Variants in MORN1 observed in about 807,000 individuals in gnomAD.
MORN1 encodes the protein MORN repeat-containing protein 1.
Under a neutral mutation model 61.9 loss-of-function variants are expected in MORN1, and 67 were observed. That is an observed-to-expected ratio of 1.08 (90% CI 0.89 to 1.33). The LOEUF (loss-of-function observed/expected upper bound fraction) is 1.33. MORN1 is among the 40% of genes most tolerant of loss of function. The pLI, the probability that MORN1 is intolerant of heterozygous loss-of-function variation, is 0.00. For synonymous variants in MORN1, 301 were observed against 292.0 expected (o/e 1.03, Z -0.31); for missense variants, 752 against 691.2 (o/e 1.09, Z -0.99).
rs1383066554 is a variant in MORN1, at chr1:2,331,907, G to A, written c.1250+4562C>T. Among the ~76,000 whole-genome samples the A allele has an allele frequency of 6.3e-4, 73 of 115,766 alleles. 1 individual carries two copies. Among genetic ancestry groups the A allele is most frequent in the Admixed American group, 9.1e-4 (10 of 10,988 alleles). The allele number at this position is 115,766 out of a possible 152,430, so 75.9% of individuals were successfully genotyped here. On this transcript the variant is annotated intron_variant, in intron 12 of 13. Transcript: ENST00000378531. ...CCGCCCCTGCGCCTCTCCCTCGTGCGCCTCTCCCGCCCCTGCGCCTCTCCC... is the reference window on the plus strand; with the variant it reads ...CCGCCCCTGCGCCTCTCCCTCGTGCACCTCTCCCGCCCCTGCGCCTCTCCC...
chr1:2,374,944 T>G, intron 6 of MORN1: 1 of 191,912 alleles, frequency 5.2e-6, no homozygotes, highest in Non-Finnish European at 1.1e-5. Context: ...ACTGGCCGAC[T>G]GTGGCGTTGG....
chr1:2,368,568 T>A (rs1642044136), intron 8 of MORN1, among the ~76,000 whole-genome samples: 1 of 152,192 alleles, frequency 6.6e-6, no homozygotes, highest in Non-Finnish European at 1.5e-5. Context: ...GACCCTGTTT[T>A]ATCTAGTCCT....
intron 6 of MORN1, chr1:2,379,012 T>C: frequency 2.1e-6 from 1 of 471,070 alleles, no homozygotes; most frequent in Non-Finnish European, 4.4e-6. Context: ...GAATGCATTT[T>C]TTTCTAGAAT....
rs561732182 is a variant in MORN1, at chr1:2,390,516, C to T, written c.77-520G>A. 4 of 985,424 alleles carry T rather than the reference C, an allele frequency of 4.1e-6. No individual in the cohort carries two copies. The South Asian group carries it at 1.9e-4, about 46-fold the overall frequency. 61.0% of individuals were successfully genotyped at this position (985,424 alleles called of 1,614,324 possible). ...TCCTCCTAGTTGCTGGGTGTGCCAC[C>T]CGCCAACTCCTGCAGTTCCAGGAAT... On this transcript the variant is annotated intron_variant, in intron 1 of 13. Coordinates refer to ENST00000378531, the MANE Select transcript of MORN1 (RefSeq NM_024848.3).
chr1:2,366,847 T>G (rs1377199495), intron 8 of MORN1, among the ~76,000 whole-genome samples: 5 of 152,058 alleles, frequency 3.3e-5, no homozygotes, highest in African/African-American at 4.8e-5. Context: ...GGCAAATCTA[T>G]CATAGTCAGA....
intron 10 of MORN1, among the ~76,000 whole-genome samples, chr1:2,338,378 G>C (rs1187463570): frequency 6.6e-6 from 1 of 152,186 alleles, no homozygotes; most frequent in Non-Finnish European, 1.5e-5. Context: ...CAATGGCTGG[G>C]AGCTGCACTG....
chr1:2,390,985 A>AT (rs1642642659), intron 1 of MORN1, among the ~76,000 whole-genome samples: 1 of 152,114 alleles, frequency 6.6e-6, no homozygotes, highest in African/African-American at 2.4e-5. Flanking sequence ...ACCTCAGGTG[A>AT]TCCACCCGCC....
intron 10 of MORN1, among the ~76,000 whole-genome samples, chr1:2,354,196 G>A (rs1413367872): frequency 6.6e-6 from 1 of 152,184 alleles, no homozygotes; most frequent in Non-Finnish European, 1.5e-5. Context: ...GCTGAGACAG[G>A]AGACAGACAA....
intron 12 of MORN1, among the ~76,000 whole-genome samples, chr1:2,331,760 G>A (rs927701785): frequency 3.3e-5 from 5 of 152,288 alleles, no homozygotes; most frequent in East Asian, 3.9e-4. Flanking sequence ...CGTTTCTCCC[G>A]CATGCGCCGT....
At chr1:2,344,760 C>T (rs970612465) in intron 10 of MORN1, among the ~76,000 whole-genome samples, 1 of 152,226 alleles carries the variant, frequency 6.6e-6, no homozygotes, top group African/African-American at 2.4e-5. Context: ...GCCACAACAG[C>T]TGCCTGCAGA....
chr1:2,345,074 G>A (rs1641482153), intron 10 of MORN1, among the ~76,000 whole-genome samples: 1 of 151,798 alleles, frequency 6.6e-6, no homozygotes, highest in South Asian at 2.1e-4. Context: ...TCAGCCTCCA[G>A]GAGGGTCCAC....
chr1:2,331,132 C>T (rs1396866429), intron 12 of MORN1, among the ~76,000 whole-genome samples: 2 of 152,198 alleles, frequency 1.3e-5, no homozygotes, highest in Admixed American at 6.5e-5. Flanking sequence ...TCCCGTCCAC[C>T]CTGTCTCCCC....
At chr1:2,390,991 C>T (rs1642642791) in intron 1 of MORN1, among the ~76,000 whole-genome samples, 1 of 152,202 alleles carries the variant, frequency 6.6e-6, no homozygotes, top group African/African-American at 2.4e-5. Flanking sequence ...GGTGATCCAC[C>T]CGCCTCGGCC....
rs747291196 is a variant in MORN1, at chr1:2,355,398, C to A, written c.1036+2034G>T. 10 of 1,549,564 alleles carry A rather than the reference C, an allele frequency of 6.5e-6. No individual in the cohort carries two copies. The South Asian group carries it at 1.1e-4, about 17-fold the overall frequency. ...TCTTTTATATGATGAATGACGCCTG[C>A]GCTTGCTGGTCCTCTCACAGCTGTT... is the stretch of plus-strand genomic sequence containing the variant. On this transcript the variant is annotated intron_variant, in intron 10 of 13. Transcript: ENST00000378531.
chr1:2,362,359 T>G (rs1469722293), intron 8 of MORN1, among the ~76,000 whole-genome samples: 1 of 152,214 alleles, frequency 6.6e-6, no homozygotes, highest in Non-Finnish European at 1.5e-5. Context: ...CTTGCTGTTT[T>G]TGGGGTGGCC....
rs1377598433 is a variant in MORN1 at position 2,337,097 on chromosome 1, G to C, written c.1037-247C>G. Among the ~76,000 whole-genome samples, 1 of 152,170 alleles carries C rather than the reference G, an allele frequency of 6.6e-6. No individual in the cohort carries two copies. The highest frequency in any genetic ancestry group is 2.4e-5 in the African/African-American group (1 of 41,438). ...CTCTGACGCCCCCGCCCCCTTCTGA[G>C]TCCACCCCAGCGCCAGGGAGCCCAG... On this transcript the variant is annotated intron_variant, in intron 10 of 13. Transcript: ENST00000378531. The surrounding 1 kb of genome is among the most constrained non-coding windows in gnomAD (Gnocchi z 5.7).
chr1:2,323,665 C>A, intron 13 of MORN1: 1 of 985,230 alleles, frequency 1.0e-6, no homozygotes. Context: ...GCAGCCCCCA[C>A]GCTGGGAGGA....
intron 12 of MORN1, among the ~76,000 whole-genome samples, chr1:2,336,128 C>T (rs1375750924): frequency 6.6e-6 from 1 of 152,220 alleles, no homozygotes; most frequent in Non-Finnish European, 1.5e-5. Context: ...TGGCCACCAG[C>T]CGTCTTCCTC....
chr1:2,374,178 T>C (rs1642183924), intron 7 of MORN1, among the ~76,000 whole-genome samples: 1 of 152,126 alleles, frequency 6.6e-6, no homozygotes, highest in South Asian at 2.1e-4. Flanking sequence ...TGCAGAGGGC[T>C]CAGGGAAATT....
Sources: gnomAD v4.1 joint callset for allele counts (sites outside exome capture counted in the v4.1 genomes callset) on GRCh38, gnomAD v4.1.1 for gene constraint, Gnocchi (gnomAD v3.1) non-coding constraint, MANE v1.5 for transcripts, NCBI Gene and HGNC (gene_info 2026-07-23, HGNC 2026-07-21) for gene names.